RASSF8: variants seen among roughly 807,000 people sequenced by gnomAD.
RASSF8 encodes the protein Ras association domain family member 8, also known as ras association domain-containing protein 8.
RASSF8 carries 22 observed loss-of-function variants against 48.5 expected under a neutral mutation model. That is an observed-to-expected ratio of 0.45 (90% CI 0.32 to 0.65). The LOEUF is 0.65. Ranked by LOEUF, RASSF8 falls within the 30% of genes least tolerant of loss-of-function variation. RASSF8 has a pLI of 0.03. For synonymous variants in RASSF8, 127 were observed against 171.5 expected (o/e 0.74, Z 2.03); for missense variants, 418 against 489.2 (o/e 0.85, Z 1.37).
At chr12:26,039,583 C>A (rs1426573873) in intron 2 of RASSF8, among the ~76,000 whole-genome samples, 2 of 151,986 alleles carry the variant, frequency 1.3e-5, no homozygotes, top group African/African-American at 4.8e-5. Context: ...GAAAAAAAAC[C>A]CAGAAGGTGT....
At chr12:26,040,477 G>A (rs1943240667) in intron 2 of RASSF8, among the ~76,000 whole-genome samples, 1 of 152,196 alleles carries the variant, frequency 6.6e-6, no homozygotes, top group Admixed American at 6.5e-5. Context: ...AAGTTTGGAA[G>A]AGGCAGGAAA....
intron 2 of RASSF8, among the ~76,000 whole-genome samples, chr12:26,036,369 T>G (rs1372427558): frequency 6.6e-6 from 1 of 152,194 alleles, no homozygotes; most frequent in Non-Finnish European, 1.5e-5. Context: ...GAAAAATTCT[T>G]ACCAAGGAAT....
At chr12:25,960,404 G>A (rs1335493563) in intron 1 of RASSF8, among the ~76,000 whole-genome samples, 1 of 152,110 alleles carries the variant, frequency 6.6e-6, no homozygotes, top group Non-Finnish European at 1.5e-5. Context: ...CAGGGTGGAC[G>A]CAAAAATCAG....
intron 2 of RASSF8, among the ~76,000 whole-genome samples, chr12:26,053,962 A>G (rs1423940579): frequency 1.3e-5 from 2 of 152,232 alleles, no homozygotes; most frequent in Non-Finnish European, 2.9e-5. Context: ...GTCTTTTAAA[A>G]GAATGTGCAA....
At chr12:25,969,880 T>C (rs706528) in intron 1 of RASSF8, among the ~76,000 whole-genome samples, 138,690 of 152,018 alleles carry the variant, frequency 0.91, 63,289 homozygotes, top group East Asian at 0.99. Context: ...ACTTGTTCCT[T>C]GAAATGTGCC....
intron 1 of RASSF8, among the ~76,000 whole-genome samples, chr12:25,990,516 G>T (rs1941990622): frequency 6.6e-6 from 1 of 152,056 alleles, no homozygotes; most frequent in African/African-American, 2.4e-5. Context: ...AACTAATATA[G>T]CTTAATAGCA....
At chr12:26,074,146 G>C (rs1338734466), downstream of RASSF8, among the ~76,000 whole-genome samples, 1 of 152,144 alleles carries the variant, frequency 6.6e-6, no homozygotes, top group African/African-American at 2.4e-5. Context: ...TAATGGCAGA[G>C]CAAGAAACAG....
At chr12:25,960,881 A>T (rs1941216708) in intron 1 of RASSF8, among the ~76,000 whole-genome samples, 1 of 152,232 alleles carries the variant, frequency 6.6e-6, no homozygotes, top group African/African-American at 2.4e-5. Context: ...GTGCTTCTGG[A>T]AAAAACAGTT....
At chr12:26,009,598 A>T (rs953787204) in intron 2 of RASSF8, among the ~76,000 whole-genome samples, 2 of 152,194 alleles carry the variant, frequency 1.3e-5, no homozygotes, top group Admixed American at 1.3e-4. Flanking sequence ...AATGATTGAG[A>T]CCTGGGATAC....
At chr12:26,073,730 ACT>A (rs1555171917), downstream of RASSF8, among the ~76,000 whole-genome samples, 2 of 138,146 alleles carry the variant, frequency 1.4e-5, no homozygotes, top group Non-Finnish European at 3.1e-5. Context: ...CAAAAGCGAG[ACT>A]CTCTCTCTCT....
At position 26,052,263 on chromosome 12, in the gene RASSF8, T is replaced by G. The variant is rs542732841; in HGVS notation, c.-108-2973T>G. 2.0e-5 allele frequency among the ~76,000 whole-genome samples: 3 copies of G among 152,348 alleles called. No homozygotes were observed. The South Asian group carries it at 6.2e-4, about 32-fold the overall frequency. ...GGCTGTAATTCCTTTAAGAAAGCAT[T>G]GATCTTGAGGTAATATGTTTCCACA... On this transcript the variant is annotated intron_variant, in intron 2 of 5. Transcript: ENST00000689635.
chr12:25,978,055 T>C (rs2136894214), intron 1 of RASSF8, among the ~76,000 whole-genome samples: 1 of 152,368 alleles, frequency 6.6e-6, no homozygotes, highest in Admixed American at 6.5e-5. Flanking sequence ...TCTACCCACT[T>C]GCTTATCTGT....
chr12:26,050,477 C>G (rs1277685811), intron 2 of RASSF8, among the ~76,000 whole-genome samples: 3 of 152,148 alleles, frequency 2.0e-5, no homozygotes, highest in Non-Finnish European at 4.4e-5. Flanking sequence ...CTTACAAATG[C>G]TGCTTGGAAA....
In RASSF8 at chr12:25,994,414, G is replaced by A. The variant is rs144597558; in HGVS notation, c.-202-623G>A. On this transcript the variant is annotated intron_variant, in intron 1 of 5. Coordinates refer to ENST00000689635, the MANE Select transcript of RASSF8 (RefSeq NM_001394098.1). ...TGAATTGCGTCAATTCCCATCTTGC[G>A]GCCAAGATTTCTTCCTTGGGCTTTC... Among the ~76,000 whole-genome samples the A allele has an allele frequency of 2.6e-3, 390 of 152,184 alleles. 1 individual carries two copies. The highest frequency in any genetic ancestry group is 8.6e-3 in the African/African-American group (359 of 41,518).
chr12:26,002,647 C>A (rs1015560035), intron 2 of RASSF8, among the ~76,000 whole-genome samples: 1 of 152,090 alleles, frequency 6.6e-6, no homozygotes, highest in African/African-American at 2.4e-5. Context: ...TGGTGGCGCA[C>A]ACCTGTAATT....
chr12:25,963,594 A>G (rs919059264), intron 1 of RASSF8, among the ~76,000 whole-genome samples: 1 of 152,014 alleles, frequency 6.6e-6, no homozygotes, highest in African/African-American at 2.4e-5. Flanking sequence ...CTAGTTTTGT[A>G]TCTTATAGAT....
intron 2 of RASSF8, among the ~76,000 whole-genome samples, chr12:26,015,308 C>A (rs1484031701): frequency 6.6e-6 from 1 of 152,064 alleles, no homozygotes; most frequent in South Asian, 2.1e-4. Context: ...TTGAGGAGCA[C>A]TTTGTCATGG....
intron 1 of RASSF8, among the ~76,000 whole-genome samples, chr12:25,970,669 G>A (rs912497248): frequency 1.3e-5 from 2 of 152,116 alleles, no homozygotes; most frequent in African/African-American, 2.4e-5. Flanking sequence ...AGACTGTTAC[G>A]ATACACAGGA....
At chr12:26,040,710 C>T (rs1163691847) in intron 2 of RASSF8, among the ~76,000 whole-genome samples, 2 of 152,158 alleles carry the variant, frequency 1.3e-5, no homozygotes, top group East Asian at 3.8e-4. Context: ...CCTTGCTTCC[C>T]ATTTTAATAG....
Sources: allele counts gnomAD v4.1 joint callset (sites outside exome capture counted in the v4.1 genomes callset), GRCh38; gene constraint gnomAD v4.1.1; transcripts MANE v1.5; gene names NCBI Gene and HGNC (gene_info 2026-07-23, HGNC 2026-07-21).